Variants in SLC9A9 observed in about 807,000 individuals in gnomAD.
The protein encoded by SLC9A9 is solute carrier family 9 member A9, also known as sodium/hydrogen exchanger 9.
SLC9A9 carries 62 observed loss-of-function variants against 77.8 expected under a neutral mutation model. That is an observed-to-expected ratio of 0.80 (90% CI 0.65 to 0.98). The LOEUF (loss-of-function observed/expected upper bound fraction) is 0.98, where lower values mean the gene tolerates loss of function less well. SLC9A9 is among the 50% of genes least tolerant of loss of function. SLC9A9 has a pLI of 0.00. For missense variants in SLC9A9, 775 were observed against 774.9 expected (o/e 1.00, Z 0.00); for synonymous variants, 320 against 283.5 (o/e 1.13, Z -1.29).
chr3:143,490,285 G>C (rs2035717835), intron 11 of SLC9A9, among the ~76,000 whole-genome samples: 2 of 152,162 alleles, frequency 1.3e-5, no homozygotes, highest in Admixed American at 6.5e-5. Context: ...TCCACTGATA[G>C]ATGAATAGAT....
At chr3:143,719,520 A>C (rs1934440573) in intron 4 of SLC9A9, among the ~76,000 whole-genome samples, 1 of 152,058 alleles carries the variant, frequency 6.6e-6, no homozygotes, top group South Asian at 2.1e-4. Context: ...ATTAATTGAG[A>C]CACTATTTTA....
At chr3:143,778,678 A>G (rs2007775982) in intron 4 of SLC9A9, among the ~76,000 whole-genome samples, 1 of 152,228 alleles carries the variant, frequency 6.6e-6, no homozygotes, top group African/African-American at 2.4e-5. Context: ...TAAATTTAGA[A>G]GGAAAAAGAG....
chr3:143,827,997 C>T (rs2009342662), intron 2 of SLC9A9, among the ~76,000 whole-genome samples: 1 of 152,126 alleles, frequency 6.6e-6, no homozygotes, highest in African/African-American at 2.4e-5. Flanking sequence ...GCCCCAGGTG[C>T]CCTGCCCTTC....
chr3:143,390,982 C>T (rs1180873103), intron 12 of SLC9A9, among the ~76,000 whole-genome samples: 2 of 152,230 alleles, frequency 1.3e-5, no homozygotes, highest in South Asian at 4.1e-4. Flanking sequence ...CCCACCGCAG[C>T]TCAAGGAGGC....
At chr3:143,604,629 T>C (rs920486018) in intron 6 of SLC9A9, among the ~76,000 whole-genome samples, 1 of 152,130 alleles carries the variant, frequency 6.6e-6, no homozygotes, top group Non-Finnish European at 1.5e-5. Flanking sequence ...GGTGGAAGTA[T>C]ATAAAGTGCA....
chr3:143,311,664 A>T (rs943481063), intron 14 of SLC9A9, among the ~76,000 whole-genome samples: 3 of 152,202 alleles, frequency 2.0e-5, no homozygotes, highest in African/African-American at 7.2e-5. Flanking sequence ...ATAAAATAAC[A>T]ATATTGTGAA....
intron 12 of SLC9A9, among the ~76,000 whole-genome samples, chr3:143,444,175 A>C (rs988645073): frequency 7.2e-5 from 11 of 152,234 alleles, no homozygotes; most frequent in African/African-American, 2.7e-4. Context: ...TGCATTTATA[A>C]ATGAAGAAGG....
intron 5 of SLC9A9, among the ~76,000 whole-genome samples, chr3:143,658,690 T>C (rs2038933402): frequency 6.6e-6 from 1 of 152,096 alleles, no homozygotes; most frequent in Non-Finnish European, 1.5e-5. Context: ...CATGGCTGAG[T>C]GGTGTTTGAG....
At chr3:143,668,916 A>G (rs542567670) in intron 5 of SLC9A9, among the ~76,000 whole-genome samples, 1 of 152,294 alleles carries the variant, frequency 6.6e-6, no homozygotes, top group Admixed American at 6.5e-5. Context: ...CAAAAGGTCA[A>G]TTCTTGTCCT....
intron 8 of SLC9A9, among the ~76,000 whole-genome samples, chr3:143,570,865 T>C (rs1650508430): frequency 6.6e-6 from 1 of 152,162 alleles, no homozygotes; most frequent in Non-Finnish European, 1.5e-5. Context: ...AATAAGAATA[T>C]AAGTGATTCT....
chr3:143,613,381 A>G (rs572511231), intron 6 of SLC9A9, among the ~76,000 whole-genome samples: 21 of 152,216 alleles, frequency 1.4e-4, no homozygotes, highest in Non-Finnish European at 2.5e-4. Context: ...TGTGACTTTT[A>G]TATGTTTAAA....
chr3:143,696,680 A>G (rs1385948886), intron 4 of SLC9A9, among the ~76,000 whole-genome samples: 1 of 152,194 alleles, frequency 6.6e-6, no homozygotes, highest in Admixed American at 6.6e-5. Flanking sequence ...ATCTGTCACT[A>G]TAGTTCTGAA....
Position 143,784,677 on chromosome 3 carries a change from T to C in SLC9A9, c.533+10324A>G, listed in dbSNP as rs539610655. Among the ~76,000 whole-genome samples, 8 of 152,232 alleles carry C rather than the reference T, an allele frequency of 5.3e-5. No individual in the cohort carries two copies. The East Asian group carries it at 1.2e-3, about 22-fold the overall frequency. ...CCCAGTCCTGAGTCATATTTTCTAA[T>C]GCAAGTTCTTACCTTGATATCTCTG... On this transcript the variant is annotated intron_variant, in intron 4 of 15. Transcript: ENST00000316549.
intron 2 of SLC9A9, chr3:143,811,866 GAA>G (rs201760210): frequency 6.0e-4 from 130 of 215,500 alleles, no homozygotes; most frequent in East Asian, 1.2e-3. Context: ...TGTCTAAAAA[GAA>G]AAAAAAAAAA....
intron 14 of SLC9A9, among the ~76,000 whole-genome samples, chr3:143,320,261 T>C (rs897629924): frequency 1.3e-5 from 2 of 152,258 alleles, no homozygotes; most frequent in Admixed American, 1.3e-4. Context: ...CAATGAATAC[T>C]GTTTGAGTGA....
At chr3:143,516,753 A>G (rs1314604815) in intron 9 of SLC9A9, among the ~76,000 whole-genome samples, 1 of 152,174 alleles carries the variant, frequency 6.6e-6, no homozygotes, top group Non-Finnish European at 1.5e-5. Context: ...TGTGTTTTAA[A>G]ATAGGTATCA....
chr3:143,706,192 C>T lies in SLC9A9; in HGVS notation c.534-12885G>A, dbSNP rs554361470. ...TTTAAATAGTACAAAACCCAACAGA[C>T]GAAATATGAATAAATAAAAAAGAAA... On this transcript the variant is annotated intron_variant, in intron 4 of 15. Coordinates refer to ENST00000316549, the MANE Select transcript of SLC9A9 (RefSeq NM_173653.4). Among the ~76,000 whole-genome samples, 15 of 152,256 alleles carry T rather than the reference C, an allele frequency of 9.9e-5. No individual in the cohort carries two copies. The South Asian group carries it at 1.5e-3, about 15-fold the overall frequency.
At chr3:143,350,134 G>GTCAT (rs2032408590) in intron 14 of SLC9A9, among the ~76,000 whole-genome samples, 1 of 152,106 alleles carries the variant, frequency 6.6e-6, no homozygotes. Flanking sequence ...CATGAGGGCT[G>GTCAT]GAACCCCACA....
At chr3:143,814,153 A>G (rs950975672) in intron 2 of SLC9A9, among the ~76,000 whole-genome samples, 3 of 152,198 alleles carry the variant, frequency 2.0e-5, no homozygotes, top group African/African-American at 7.2e-5. Context: ...TGGGTGAGTG[A>G]CTGAGAGAAT....
Sources: gnomAD v4.1 joint callset for allele counts (sites outside exome capture counted in the v4.1 genomes callset) on GRCh38, gnomAD v4.1.1 for gene constraint, MANE v1.5 for transcripts, NCBI Gene and HGNC (gene_info 2026-07-23, HGNC 2026-07-21) for gene names.